Variants in XXYLT1 observed in about 807,000 individuals in gnomAD.
XXYLT1 encodes the protein UDP-xylose:alpha-xyloside alpha-1,3-xylosyltransferase.
In XXYLT1, 20 loss-of-function variants were observed where a neutral mutation model predicts 28.9. That is an observed-to-expected ratio of 0.69 (90% confidence interval 0.49 to 1.00). The LOEUF is 1.00. Among genes scored for constraint, XXYLT1 ranks in the 50% least tolerant of loss-of-function variants. The pLI is 0.00. For missense variants in XXYLT1, 542 were observed against 560.1 expected (o/e 0.97, Z 0.33); for synonymous variants, 257 against 253.8 (o/e 1.01, Z -0.12).
intron 1 of XXYLT1, among the ~76,000 whole-genome samples, chr3:195,239,577 A>T (rs1294750975): frequency 6.6e-6 from 1 of 152,258 alleles, no homozygotes; most frequent in Non-Finnish European, 1.5e-5. Context: ...ATGTAGACAA[A>T]AAAGTCTGAT....
intron 1 of XXYLT1, among the ~76,000 whole-genome samples, chr3:195,228,794 C>T (rs1219439711): frequency 1.3e-5 from 2 of 151,362 alleles, no homozygotes; most frequent in Non-Finnish European, 2.9e-5. Flanking sequence ...GGCCTATTTC[C>T]CTTATTTCTT....
At chr3:195,108,827 A>G (rs4677660) in intron 3 of XXYLT1, among the ~76,000 whole-genome samples, 105,304 of 152,102 alleles carry the variant, frequency 0.69, 36,784 homozygotes, top group Middle Eastern at 0.72. Context: ...GCATGTGACT[A>G]TAACTCAATT....
intron 2 of XXYLT1, among the ~76,000 whole-genome samples, chr3:195,164,342 G>T (rs948184997): frequency 3.3e-5 from 5 of 152,218 alleles, no homozygotes; most frequent in Non-Finnish European, 5.9e-5. Flanking sequence ...TTTCCGCATG[G>T]ACTCTTGCTT....
intron 1 of XXYLT1, among the ~76,000 whole-genome samples, chr3:195,235,312 T>C (rs1426426451): frequency 6.6e-6 from 1 of 152,242 alleles, no homozygotes; most frequent in Non-Finnish European, 1.5e-5. Flanking sequence ...TGATGCATTC[T>C]TCAGTAAGTC....
At chr3:195,123,828 G>A (rs1015069537) in intron 3 of XXYLT1, among the ~76,000 whole-genome samples, 10 of 152,156 alleles carry the variant, frequency 6.6e-5, no homozygotes, top group Non-Finnish European at 1.3e-4. Context: ...ATCAACTTCT[G>A]TCCCCCGCCC....
At chr3:195,114,034 G>A (rs149640801) in intron 3 of XXYLT1, among the ~76,000 whole-genome samples, 6 of 152,338 alleles carry the variant, frequency 3.9e-5, no homozygotes, top group African/African-American at 1.4e-4. Context: ...AATTTGGCTA[G>A]AGCGTACTGA....
intron 1 of XXYLT1, among the ~76,000 whole-genome samples, chr3:195,261,295 C>T (rs548007660): frequency 2.3e-3 from 352 of 152,248 alleles, no homozygotes; most frequent in Non-Finnish European, 3.6e-3. Context: ...TAGCCGGGCA[C>T]GGTGGCGCAC....
chr3:195,112,633 C>A (rs567597414), intron 3 of XXYLT1, among the ~76,000 whole-genome samples: 62 of 139,754 alleles, frequency 4.4e-4, no homozygotes, highest in East Asian at 3.3e-3. Context: ...ACACACACAC[C>A]CCCATGCACA....
intron 3 of XXYLT1, 99 bp downstream of exon 3, chr3:195,156,350 C>T (rs1471204399): frequency 4.0e-5 from 62 of 1,535,430 alleles, no homozygotes; most frequent in Non-Finnish European, 4.8e-5. Context: ...GCAGAAGGAT[C>T]GGACGCCACT....
chr3:195,095,195 C>A (rs1024827950), intron 3 of XXYLT1: 1 of 152,500 alleles, frequency 6.6e-6, no homozygotes, highest in African/African-American at 2.4e-5. Flanking sequence ...ATGAGACTGC[C>A]GTGAGGGCTG....
In XXYLT1 at chr3:195,076,229, G is replaced by C. The variant is rs752864314; in HGVS notation, c.786-6118C>G. Among the ~76,000 whole-genome samples the C allele has an allele frequency of 6.6e-6, 1 of 152,148 alleles. No individual in the cohort carries two copies. Among genetic ancestry groups the C allele is most frequent in the Non-Finnish European group, 1.5e-5 (1 of 68,024 alleles). On this transcript the variant is annotated intron_variant, in intron 3 of 3. Coordinates refer to ENST00000310380, the MANE Select transcript of XXYLT1 (RefSeq NM_152531.5). This position sits in a 1 kb window ranked among gnomAD's most constrained non-coding sequence, Gnocchi z 5.3. Reference sequence around the variant, plus strand: ...CTGGGGGCTCGGGGAAGTGAGAAAAGAGGTGACATCTGCTGAGCAGATGTG... The same window carrying C: ...CTGGGGGCTCGGGGAAGTGAGAAAACAGGTGACATCTGCTGAGCAGATGTG...
At position 195,118,109 on chromosome 3, in the gene XXYLT1, CTCTTA is replaced by C. The variant is rs138285887; in HGVS notation, c.785+38335_785+38339del. On this transcript the variant is annotated intron_variant, in intron 3 of 3. Coordinates refer to ENST00000310380, the MANE Select transcript of XXYLT1 (RefSeq NM_152531.5). ...CAGAGATAATGCCCCCCTGGGCTTT[CTCTTA>C]TCTTAACTAAACATCCCCAGTCCTG... 3.9e-3 allele frequency among the ~76,000 whole-genome samples: 592 copies of C among 152,378 alleles called. 8 individuals carry two copies. The East Asian group carries it at 0.053, about 14-fold the overall frequency.
At chr3:195,119,085 G>A (rs2061324741) in intron 3 of XXYLT1, among the ~76,000 whole-genome samples, 2 of 151,870 alleles carry the variant, frequency 1.3e-5, no homozygotes, top group Non-Finnish European at 2.9e-5. Context: ...AGACCAGCCT[G>A]GCCAGCATGG....
At chr3:195,247,035 G>A (rs1238349656) in intron 1 of XXYLT1, among the ~76,000 whole-genome samples, 1 of 152,202 alleles carries the variant, frequency 6.6e-6, no homozygotes, top group Non-Finnish European at 1.5e-5. Flanking sequence ...TCCTTGCACA[G>A]TGGGTAGAAG....
Position 195,150,058 on chromosome 3 carries a change from C to A in XXYLT1, c.785+6391G>T, listed in dbSNP as rs557626594. ...TAAGTTGTCAGCAGCCCCAACCGTA[C>A]ATATAAGGAAACTGAGGCTGAGGTT... On this transcript the variant is annotated intron_variant, in intron 3 of 3. Coordinates refer to ENST00000310380, the MANE Select transcript of XXYLT1 (RefSeq NM_152531.5). The surrounding 1 kb of genome is among the most constrained non-coding windows in gnomAD (Gnocchi z 4.7). Among the ~76,000 whole-genome samples the A allele has an allele frequency of 6.6e-6, 1 of 152,302 alleles. No homozygotes were observed. The highest frequency in any genetic ancestry group is 2.1e-4 in the South Asian group (1 of 4,830).
chr3:195,161,790 A>T (rs376679834), intron 2 of XXYLT1, among the ~76,000 whole-genome samples: 1 of 151,938 alleles, frequency 6.6e-6, no homozygotes, highest in East Asian at 1.9e-4. Flanking sequence ...GCTAATTTTT[A>T]TATTTTTAGT....
chr3:195,189,426 A>G (rs186994095), intron 2 of XXYLT1, among the ~76,000 whole-genome samples: 9 of 152,342 alleles, frequency 5.9e-5, no homozygotes, highest in African/African-American at 1.9e-4. Flanking sequence ...AATTTTCAAC[A>G]AAAAAGGAAT....
At chr3:195,118,230 C>A (rs1718152068) in intron 3 of XXYLT1, among the ~76,000 whole-genome samples, 1 of 152,192 alleles carries the variant, frequency 6.6e-6, no homozygotes, top group Non-Finnish European at 1.5e-5. Flanking sequence ...TGATAAGATG[C>A]AGGCGAAGAC....
At chr3:195,082,799 G>A (rs1019182271) in intron 3 of XXYLT1, among the ~76,000 whole-genome samples, 4 of 151,932 alleles carry the variant, frequency 2.6e-5, no homozygotes, top group South Asian at 2.1e-4. Context: ...GCAGTGAGCC[G>A]AGATCACTGG....
Sources: gnomAD v4.1 joint callset for allele counts (sites outside exome capture counted in the v4.1 genomes callset) on GRCh38, gnomAD v4.1.1 for gene constraint, Gnocchi (gnomAD v3.1) non-coding constraint, MANE v1.5 for transcripts, NCBI Gene and HGNC (gene_info 2026-07-23, HGNC 2026-07-21) for gene names.